The following ZCWPW2 variants were observed in gnomAD, a reference collection of about 807,000 sequenced individuals.
ZCWPW2 encodes the protein zinc finger CW-type and PWWP domain containing 2.
In ZCWPW2, 45 loss-of-function variants were observed where a neutral mutation model predicts 46.6. The observed-to-expected ratio is 0.96, with a 90% CI of 0.76 to 1.24. The LOEUF (loss-of-function observed/expected upper bound fraction) is 1.24, where lower values mean the gene tolerates loss of function less well. ZCWPW2 is among the 50% of genes most tolerant of loss of function. The pLI is 0.00. For synonymous variants in ZCWPW2, 152 were observed against 137.1 expected (o/e 1.11, Z -0.76); for missense variants, 429 against 403.9 (o/e 1.06, Z -0.53).
chr3:28,447,860 G>C, intron 4 of ZCWPW2: 1 of 1,033,098 alleles, frequency 9.7e-7, no homozygotes, highest in Non-Finnish European at 1.5e-6. Context: ...AAATCTGCAT[G>C]TGGTGTGTGC....
intron 6 of ZCWPW2, among the ~76,000 whole-genome samples, chr3:28,499,574 A>G (rs548669377): frequency 6.6e-6 from 1 of 152,184 alleles, no homozygotes; most frequent in East Asian, 1.9e-4. Flanking sequence ...GATGGATTGC[A>G]AGAAATTTCT....
intron 5 of ZCWPW2, among the ~76,000 whole-genome samples, chr3:28,488,644 A>G (rs1699690441): frequency 6.6e-6 from 1 of 152,222 alleles, no homozygotes; most frequent in Admixed American, 6.5e-5. Flanking sequence ...GTCATGAGTC[A>G]AAACCACCTC....
At chr3:28,483,652 G>T (rs896008388) in intron 5 of ZCWPW2, among the ~76,000 whole-genome samples, 2 of 151,900 alleles carry the variant, frequency 1.3e-5, no homozygotes, top group Non-Finnish European at 2.9e-5. Context: ...GTTCTTTTTT[G>T]ATTTATTTTA....
intron 4 of ZCWPW2, among the ~76,000 whole-genome samples, chr3:28,471,502 A>G (rs1270628103): frequency 6.6e-6 from 1 of 152,218 alleles, no homozygotes; most frequent in Non-Finnish European, 1.5e-5. Flanking sequence ...CAAAAACCAT[A>G]TCATCATCTC....
chr3:28,488,840 A>G (rs528685930), intron 5 of ZCWPW2, among the ~76,000 whole-genome samples: 16 of 152,326 alleles, frequency 1.1e-4, no homozygotes, highest in African/African-American at 3.4e-4. Context: ...AAGGAAGGAA[A>G]TTAAATCTTT....
At chr3:28,378,877 T>C (rs567111664) in intron 1 of ZCWPW2, among the ~76,000 whole-genome samples, 1 of 152,256 alleles carries the variant, frequency 6.6e-6, no homozygotes, top group African/African-American at 2.4e-5. Context: ...CTACATAAAC[T>C]ATAATACAAT....
Position 28,525,379 on chromosome 3 carries a change from TTA to T in ZCWPW2, c.*694_*695del, listed in dbSNP as rs1700821901. ...TATAGAGAGAAGTTAAACATATTGA[TTA>T]TAAGAAATCTAACAATATAGAAAGT... On this transcript the variant is annotated 3_prime_UTR_variant, in exon 10 of 10. Transcript: ENST00000383768. Among the ~76,000 whole-genome samples the T allele has an allele frequency of 6.6e-6, 1 of 152,136 alleles. No individual in the cohort carries two copies.
At chr3:28,503,111 T>C (rs997589696) in intron 6 of ZCWPW2, among the ~76,000 whole-genome samples, 1 of 152,180 alleles carries the variant, frequency 6.6e-6, no homozygotes, top group East Asian at 1.9e-4. Context: ...AATCTGGTGC[T>C]GCAGATTCTA....
intron 8 of ZCWPW2, among the ~76,000 whole-genome samples, chr3:28,520,123 G>C (rs1700683929): frequency 6.6e-6 from 1 of 151,148 alleles, no homozygotes; most frequent in South Asian, 2.1e-4. Flanking sequence ...TCCTGCCCCA[G>C]CCTCCGGAGT....
intron 4 of ZCWPW2, among the ~76,000 whole-genome samples, chr3:28,437,458 T>C: frequency 6.6e-6 from 1 of 152,096 alleles, no homozygotes; most frequent in Non-Finnish European, 1.5e-5. Flanking sequence ...TTAAATTAAA[T>C]TTTTTTTGTT....
rs531094064 is a variant in ZCWPW2 at position 28,359,274 on chromosome 3, CTG to C, written c.-134+10073_-134+10074del. Among the ~76,000 whole-genome samples the C allele has an allele frequency of 1.5e-3, 221 of 152,140 alleles. 2 individuals are homozygous for C. Among genetic ancestry groups the C allele is most frequent in the Middle Eastern group, 3.4e-3 (1 of 294 alleles). ...GCATTTACATTTGTGAAAAATATAA[CTG>C]TTTTTTGACAATAAGTATTGTATTC... is the stretch of plus-strand genomic sequence containing the variant. On this transcript the variant is annotated intron_variant, in intron 1 of 9. Coordinates refer to ENST00000383768, the MANE Select transcript of ZCWPW2 (RefSeq NM_001040432.4).
chr3:28,519,992 T>G (rs1184777603), intron 8 of ZCWPW2, among the ~76,000 whole-genome samples: 1 of 148,646 alleles, frequency 6.7e-6, no homozygotes, highest in Non-Finnish European at 1.5e-5. Flanking sequence ...ATTACCAGAT[T>G]TTTTTTTTTT....
chr3:28,439,146 T>TAC (rs1491108431), intron 4 of ZCWPW2, among the ~76,000 whole-genome samples: 2 of 72,066 alleles, frequency 2.8e-5, no homozygotes, highest in African/African-American at 1.1e-4. Context: ...ATAGGATGTG[T>TAC]ATATATATAT....
At chr3:28,370,814 C>A (rs959708444) in intron 1 of ZCWPW2, among the ~76,000 whole-genome samples, 1 of 152,098 alleles carries the variant, frequency 6.6e-6, no homozygotes, top group East Asian at 1.9e-4. Context: ...CTCAACGCAA[C>A]CTCCACCTCT....
intron 7 of ZCWPW2, among the ~76,000 whole-genome samples, chr3:28,515,234 C>T (rs1350583148): frequency 1.3e-5 from 2 of 152,064 alleles, no homozygotes; most frequent in Non-Finnish European, 2.9e-5. Flanking sequence ...TCTTGTTTTT[C>T]TCTGATACCT....
chr3:28,444,285 TTAGTC>T (rs991214395), intron 4 of ZCWPW2, among the ~76,000 whole-genome samples: 10 of 152,242 alleles, frequency 6.6e-5, no homozygotes, highest in African/African-American at 2.2e-4. Context: ...TACCAGGACT[TTAGTC>T]TAGTTATAGG....
At chr3:28,425,908 G>A (rs1212594177) in intron 3 of ZCWPW2, among the ~76,000 whole-genome samples, 2 of 152,014 alleles carry the variant, frequency 1.3e-5, no homozygotes, top group Non-Finnish European at 2.9e-5. Context: ...TTGGGAGTTC[G>A]AGACCAACCT....
intron 1 of ZCWPW2, among the ~76,000 whole-genome samples, chr3:28,383,336 A>G (rs1264281637): frequency 6.8e-6 from 1 of 146,088 alleles, no homozygotes; most frequent in African/African-American, 2.4e-5. Flanking sequence ...GCAAGTCTTA[A>G]ATATGACACA....
intron 3 of ZCWPW2, 48 bp from the exon 4 acceptor site, chr3:28,435,062 T>A (rs1162341056): frequency 7.5e-6 from 12 of 1,595,252 alleles, no homozygotes; most frequent in Non-Finnish European, 9.4e-6. Context: ...TGTTGATGTC[T>A]ACCTTTTTAA....
Sources: gnomAD v4.1 joint callset for allele counts (sites outside exome capture counted in the v4.1 genomes callset) on GRCh38, gnomAD v4.1.1 for gene constraint, MANE v1.5 for transcripts, NCBI Gene and HGNC (gene_info 2026-07-23, HGNC 2026-07-21) for gene names.